The following ALK variants were observed in gnomAD, a reference collection of about 807,000 sequenced individuals.
ALK encodes the protein ALK tyrosine kinase receptor.
Under a neutral mutation model 163.1 loss-of-function variants are expected in ALK, and 74 were observed. That is an observed-to-expected ratio of 0.45 (90% confidence interval 0.38 to 0.55). The LOEUF (loss-of-function observed/expected upper bound fraction) is 0.55. ALK is among the 20% of genes least tolerant of loss of function. The pLI, the probability that ALK is intolerant of heterozygous loss-of-function variation, is 0.00. For missense variants in ALK, 2,063 were observed against 2,105.3 expected (o/e 0.98, Z 0.39); for synonymous variants, 960 against 843.2 (o/e 1.14, Z -2.40).
intron 2 of ALK, among the ~76,000 whole-genome samples, chr2:29,707,792 T>A (rs1487088796): frequency 6.6e-6 from 1 of 152,168 alleles, no homozygotes; most frequent in East Asian, 1.9e-4. Flanking sequence ...AAAACCCACC[T>A]TTTGCTGTGC....
chr2:29,250,056 G>C (rs1314914239), intron 12 of ALK, among the ~76,000 whole-genome samples: 2 of 152,216 alleles, frequency 1.3e-5, no homozygotes, highest in Non-Finnish European at 2.9e-5. Context: ...TCCTTCCCAG[G>C]AGGCCCAGGA....
intron 1 of ALK, among the ~76,000 whole-genome samples, chr2:29,792,205 C>A (rs6749880): frequency 0.099 from 15,062 of 152,134 alleles, 1,536 homozygotes; most frequent in African/African-American, 0.25. Flanking sequence ...ATAAAGCTTT[C>A]ATTCTTAAAA....
chr2:29,723,216 C>G (rs891652788), intron 1 of ALK, among the ~76,000 whole-genome samples: 9 of 152,180 alleles, frequency 5.9e-5, no homozygotes, highest in Non-Finnish European at 5.9e-5. Context: ...GGAGCTCAGT[C>G]CCACAGGTCT....
At chr2:29,747,022 C>G (rs1476326636) in intron 1 of ALK, among the ~76,000 whole-genome samples, 1 of 152,194 alleles carries the variant, frequency 6.6e-6, no homozygotes, top group Non-Finnish European at 1.5e-5. Flanking sequence ...AGTCCAGGTC[C>G]CTTCTCAAAG....
intron 3 of ALK, among the ~76,000 whole-genome samples, chr2:29,673,051 G>A (rs1488886054): frequency 7.6e-6 from 1 of 131,856 alleles, no homozygotes; most frequent in Non-Finnish European, 1.6e-5. Flanking sequence ...AAATTTGTTT[G>A]AGTTCATTGT....
At chr2:29,663,401 G>C (rs1043783153) in intron 3 of ALK, among the ~76,000 whole-genome samples, 1 of 152,030 alleles carries the variant, frequency 6.6e-6, no homozygotes, top group African/African-American at 2.4e-5. Flanking sequence ...GAAAATTCTT[G>C]GTCCAGAATG....
chr2:29,583,161 G>GCACTAC (rs1674775995), intron 3 of ALK, among the ~76,000 whole-genome samples: 4 of 150,432 alleles, frequency 2.7e-5, no homozygotes, highest in African/African-American at 9.8e-5. Context: ...CTACAGGTGT[G>GCACTAC]AGTCACCATG....
chr2:29,880,558 G>T (rs1329180976), intron 1 of ALK, among the ~76,000 whole-genome samples: 1 of 152,152 alleles, frequency 6.6e-6, no homozygotes, highest in Admixed American at 6.5e-5. Flanking sequence ...TACTTTATAA[G>T]TCCCCAGGGA....
chr2:29,725,879 C>T (rs1178302219), intron 1 of ALK, among the ~76,000 whole-genome samples: 1 of 152,176 alleles, frequency 6.6e-6, no homozygotes, highest in Non-Finnish European at 1.5e-5. Context: ...CTGTATCTCT[C>T]AGAATTTGAT....
At chr2:29,488,992 G>T (rs1235087506) in intron 4 of ALK, among the ~76,000 whole-genome samples, 6 of 152,154 alleles carry the variant, frequency 3.9e-5, no homozygotes, top group African/African-American at 1.4e-4. Flanking sequence ...TCTGCCAAAG[G>T]AGAACCCCAA....
chr2:29,402,292 G>A (rs918518920), intron 4 of ALK, among the ~76,000 whole-genome samples: 3 of 152,262 alleles, frequency 2.0e-5, no homozygotes, highest in South Asian at 2.1e-4. Context: ...CCTCCTGTGA[G>A]CCTTGCAGAA....
chr2:29,417,563 G>A (rs1034276936), intron 4 of ALK, among the ~76,000 whole-genome samples: 2 of 152,156 alleles, frequency 1.3e-5, no homozygotes, highest in South Asian at 2.1e-4. Context: ...AAAGAGACCC[G>A]TGGAGAGGAA....
chr2:29,379,055 C>T (rs1668829689), intron 5 of ALK, among the ~76,000 whole-genome samples: 1 of 152,186 alleles, frequency 6.6e-6, no homozygotes, highest in African/African-American at 2.4e-5. Context: ...TAGTCTTTCC[C>T]ATTCTGACGT....
At chr2:29,403,649 G>T (rs1025345569) in intron 4 of ALK, among the ~76,000 whole-genome samples, 6 of 138,302 alleles carry the variant, frequency 4.3e-5, no homozygotes, top group Non-Finnish European at 9.0e-5. Context: ...GCTGAGTCAG[G>T]AGGATCATTT....
chr2:29,274,804 C>G (rs1240439396), intron 11 of ALK, among the ~76,000 whole-genome samples: 2 of 152,138 alleles, frequency 1.3e-5, no homozygotes, highest in African/African-American at 4.8e-5. Flanking sequence ...GAATTCAAAG[C>G]AGAGTTGGGG....
intron 3 of ALK, among the ~76,000 whole-genome samples, chr2:29,567,204 C>T (rs573734113): frequency 1.4e-4 from 22 of 152,284 alleles, no homozygotes; most frequent in African/African-American, 5.1e-4. Flanking sequence ...CCAGGTAACA[C>T]CTTTTGGTTG....
At chr2:29,838,095 G>A (rs1665607337) in intron 1 of ALK, among the ~76,000 whole-genome samples, 1 of 152,076 alleles carries the variant, frequency 6.6e-6, no homozygotes, top group Non-Finnish European at 1.5e-5. Flanking sequence ...CACTGGATGG[G>A]CTTAACAACA....
intron 1 of ALK, among the ~76,000 whole-genome samples, chr2:29,869,376 G>C (rs1666519555): frequency 6.6e-6 from 1 of 152,172 alleles, no homozygotes; most frequent in African/African-American, 2.4e-5. Flanking sequence ...TAAGATCAAT[G>C]TGTTTTTATA....
chr2:29,792,756 A>T (rs768530156), intron 1 of ALK, among the ~76,000 whole-genome samples: 1 of 152,044 alleles, frequency 6.6e-6, no homozygotes, highest in Non-Finnish European at 1.5e-5. Flanking sequence ...TTATGCTTAC[A>T]CTACACTTAG....
Sources: allele counts gnomAD v4.1 joint callset (sites outside exome capture counted in the v4.1 genomes callset), GRCh38; gene constraint gnomAD v4.1.1; transcripts MANE v1.5; gene names NCBI Gene and HGNC (gene_info 2026-07-23, HGNC 2026-07-21).